The following TENM1 variants were observed in gnomAD, a reference collection of about 807,000 sequenced individuals.
TENM1 encodes teneurin-1.
In TENM1, 35 loss-of-function variants were observed where a neutral mutation model predicts 174.8. The ratio of observed to expected loss-of-function variants is 0.20; its 90% CI spans 0.15 to 0.27. The LOEUF (loss-of-function observed/expected upper bound fraction) is 0.27. Among genes scored for constraint, TENM1 ranks in the 10% least tolerant of loss-of-function variants. The pLI is 1.00. For synonymous variants in TENM1, 781 were observed against 798.7 expected (o/e 0.98, Z 0.37); for missense variants, 1,633 against 2,130.1 (o/e 0.77, Z 4.59).
At chrX:124,462,893 G>A (rs2061194515) in intron 22 of TENM1, among the ~76,000 whole-genome samples, 2 of 111,823 alleles carry the variant, frequency 1.8e-5, no homozygotes, top group Admixed American at 1.9e-4. Context: ...AAAGGATGCA[G>A]TGACAATGTC....
chrX:124,548,115 C>T (rs1602639851), intron 14 of TENM1, among the ~76,000 whole-genome samples: 1 of 112,245 alleles, frequency 8.9e-6, no homozygotes, highest in African/African-American at 3.2e-5. Flanking sequence ...GGATTACAGG[C>T]GTGAGCAACC....
chrX:124,408,287 C>A (rs776794329), intron 25 of TENM1, among the ~76,000 whole-genome samples: 1 of 110,471 alleles, frequency 9.1e-6, no homozygotes, highest in African/African-American at 3.3e-5. Context: ...GGATTACAAA[C>A]GAGTACCACT....
At chrX:124,689,457 T>C (rs2052461174) in intron 5 of TENM1, among the ~76,000 whole-genome samples, 2 of 111,544 alleles carry the variant, frequency 1.8e-5, no homozygotes, top group Admixed American at 9.5e-5. Context: ...TTACAGAAAA[T>C]ATTTCATGAT....
chrX:124,660,402 T>C (rs1224598155), intron 6 of TENM1, among the ~76,000 whole-genome samples: 2 of 110,541 alleles, frequency 1.8e-5, no homozygotes, highest in Non-Finnish European at 3.8e-5. Context: ...TAAAAACTTT[T>C]GTGCTTCAAA....
the TENM1 span, among the ~76,000 whole-genome samples, chrX:125,148,686 T>A: frequency 8.9e-6 from 1 of 111,934 alleles, no homozygotes; most frequent in South Asian, 3.8e-4. Flanking sequence ...TAACCAAAGC[T>A]GTTCCTCCTT....
the TENM1 span, among the ~76,000 whole-genome samples, chrX:125,161,605 A>G: frequency 2.3e-3 from 258 of 112,010 alleles, 1 homozygote; most frequent in Admixed American, 7.0e-3. Flanking sequence ...AGAGACAAAA[A>G]GTACACTAGT....
chrX:124,976,840 C>T, the TENM1 span, among the ~76,000 whole-genome samples: 24 of 112,037 alleles, frequency 2.1e-4, no homozygotes, highest in Non-Finnish European at 2.6e-4. Flanking sequence ...CAGATCTCCA[C>T]GCCATTCCAG....
intron 23 of TENM1, among the ~76,000 whole-genome samples, chrX:124,448,742 C>T (rs113918715): frequency 4.5e-5 from 5 of 111,659 alleles, no homozygotes; most frequent in South Asian, 3.8e-4. Context: ...CTGTGGGAGA[C>T]GGGTTGGATA....
At chrX:124,607,021 C>G (rs1439268045) in intron 11 of TENM1, among the ~76,000 whole-genome samples, 2 of 109,396 alleles carry the variant, frequency 1.8e-5, no homozygotes, top group Non-Finnish European at 3.8e-5. Context: ...TGGAGGAGGA[C>G]AAGGAGGAGG....
At chrX:124,895,938 ATT>A (rs745632141) in intron 2 of TENM1, 41 bp downstream of exon 5, 82 of 1,192,677 alleles carry the variant, frequency 6.9e-5, no homozygotes, top group Non-Finnish European at 9.2e-5. Flanking sequence ...TAAAAACTGC[ATT>A]CTTTCTGTGT....
intron 11 of TENM1, among the ~76,000 whole-genome samples, chrX:124,600,393 T>C (rs2050002371): frequency 9.0e-6 from 1 of 111,684 alleles, no homozygotes; most frequent in Non-Finnish European, 1.9e-5. Context: ...CTATAATTCA[T>C]TGAATAATAT....
chrX:124,392,913 G>C (rs1288918823), intron 27 of TENM1, among the ~76,000 whole-genome samples: 2 of 111,573 alleles, frequency 1.8e-5, no homozygotes, highest in East Asian at 5.6e-4. Context: ...ATCTCACTTA[G>C]CAATACTTTC....
At chrX:124,563,134 G>T (rs1415988895) in intron 13 of TENM1, among the ~76,000 whole-genome samples, 1 of 110,708 alleles carries the variant, frequency 9.0e-6, no homozygotes, top group Non-Finnish European at 1.9e-5. Context: ...GTGAAATAAA[G>T]AATAATTTGG....
chrX:124,625,042 C>G (rs1423865652), intron 11 of TENM1, among the ~76,000 whole-genome samples: 1 of 111,748 alleles, frequency 8.9e-6, no homozygotes, highest in African/African-American at 3.3e-5. Context: ...GAGGTGATAA[C>G]TGGGTTTCCT....
At chrX:124,845,823 T>C (rs767750014) in intron 3 of TENM1, among the ~76,000 whole-genome samples, 1 of 109,518 alleles carries the variant, frequency 9.1e-6, no homozygotes, top group South Asian at 4.0e-4. Context: ...GGGAGGGTTA[T>C]GGGTGAGTGG....
intron 1 of TENM1, among the ~76,000 whole-genome samples, chrX:124,961,105 T>A (rs1232695967): frequency 2.7e-5 from 3 of 112,172 alleles, no homozygotes; most frequent in Non-Finnish European, 5.6e-5. Flanking sequence ...AATGTAAGAT[T>A]CCAGTACTAA....
intron 15 of TENM1, among the ~76,000 whole-genome samples, chrX:124,534,779 G>C (rs2048174314): frequency 9.0e-6 from 1 of 111,361 alleles, no homozygotes; most frequent in African/African-American, 3.3e-5. Flanking sequence ...GCTGAGAGAG[G>C]CTATATGAAT....
At chrX:124,967,853 C>T (rs1010722825), upstream of TENM1, among the ~76,000 whole-genome samples, 1 of 111,789 alleles carries the variant, frequency 8.9e-6, no homozygotes, top group Non-Finnish European at 1.9e-5. Flanking sequence ...ACCCATCCTC[C>T]ACACTGCCAC....
intron 3 of TENM1, among the ~76,000 whole-genome samples, chrX:124,828,421 A>AAAACAT (rs749043270): frequency 1.8e-5 from 2 of 112,683 alleles, no homozygotes; most frequent in African/African-American, 6.4e-5. Flanking sequence ...ACAACTAAAT[A>AAAACAT]AAACATAAAT....
Sources: allele counts gnomAD v4.1 joint callset (sites outside exome capture counted in the v4.1 genomes callset), GRCh38; gene constraint gnomAD v4.1.1; transcripts MANE v1.5; gene names NCBI Gene and HGNC (gene_info 2026-07-23, HGNC 2026-07-21).